INVS: variants seen among roughly 807,000 people sequenced by gnomAD.
INVS encodes the protein inversion of embryo turning homolog.
In INVS, 86 loss-of-function variants were observed where a neutral mutation model predicts 108.8. The observed-to-expected ratio is 0.79, with a 90% CI of 0.66 to 0.95. INVS has a LOEUF of 0.95. Ranked by LOEUF, INVS falls within the 40% of genes least tolerant of loss-of-function variation. The probability of loss-of-function intolerance (pLI) is 0.00; values close to 1 mark genes in which losing one functional copy is unlikely to be tolerated. For missense variants in INVS, 1,169 were observed against 1,297.4 expected, an observed-to-expected ratio of 0.90 and a Z score of 1.52; for synonymous variants, 455 against 473.5, an observed-to-expected ratio of 0.96 and a Z score of 0.51.
rs887850505 is a variant in INVS at position 100,136,054 on chromosome 9, C to T, written c.273+9505C>T. ...GCTAAGATTTGAATAGTTCCTTTTC[C>T]ACTAAATGACTCAATAAATGGATGG... On this transcript the variant is annotated intron_variant, in intron 3 of 16. Transcript: ENST00000262457. Among the ~76,000 whole-genome samples, 5 of 151,934 alleles carry T rather than the reference C, an allele frequency of 3.3e-5. No individual in the cohort carries two copies. The East Asian group carries it at 9.7e-4, about 29-fold the overall frequency.
intron 12 of INVS, among the ~76,000 whole-genome samples, chr9:100,274,239 T>C (rs981572843): frequency 6.6e-6 from 1 of 152,100 alleles, no homozygotes; most frequent in Non-Finnish European, 1.5e-5. Flanking sequence ...GCACCTGTTA[T>C]GCCAGCTACT....
At position 100,246,666 on chromosome 9, in the gene INVS, C is replaced by G; in HGVS notation, c.957C>G (p.Asp319Glu). The change falls in exon 8 of 17, where the codon GAC becomes GAG. Residue 319 changes from aspartate (D) to glutamate (E), a missense_variant. Asp to Glu is a conservative substitution (Grantham distance 45). This residue lies in a region of INVS where 365 missense variants were observed against 397.5 expected (regional missense o/e 0.92). Coordinates refer to ENST00000262457, the MANE Select transcript of INVS (RefSeq NM_014425.5). ...ATCCTTCAGTGAAAGATGATTCAGA[C>G]CTGGAAGGAAGAACATCCTTTATGT... is the stretch of plus-strand genomic sequence containing the variant. ...LKHPSVKDDS[D>E]LEGRTSFMWA... 6.2e-7 allele frequency: 1 copy of G among 1,613,808 alleles called. No homozygotes were observed.
At chr9:100,254,030 C>T (rs1832331650) in intron 10 of INVS, among the ~76,000 whole-genome samples, 2 of 152,140 alleles carry the variant, frequency 1.3e-5, no homozygotes, top group South Asian at 2.1e-4. Context: ...ACAGTCCCAC[C>T]AACAGTGTAA....
chr9:100,212,465 G>C (rs11789482), intron 3 of INVS, among the ~76,000 whole-genome samples: 29,557 of 151,774 alleles, frequency 0.19, 4,584 homozygotes, highest in African/African-American at 0.44. Flanking sequence ...CTCTTCTAAT[G>C]TTCAGGTCTA....
At chr9:100,105,340 C>A (rs1399927827) in intron 2 of INVS, among the ~76,000 whole-genome samples, 1 of 152,152 alleles carries the variant, frequency 6.6e-6, no homozygotes, top group Admixed American at 6.6e-5. Flanking sequence ...TGTTTTTACC[C>A]TACATTTGCA....
At chr9:100,187,686 C>G (rs1216228663) in intron 3 of INVS, among the ~76,000 whole-genome samples, 1 of 151,826 alleles carries the variant, frequency 6.6e-6, no homozygotes, top group African/African-American at 2.4e-5. Flanking sequence ...GCCACCACAC[C>G]CAGCTAATTT....
At chr9:100,216,301 T>C (rs1021203404) in intron 3 of INVS, among the ~76,000 whole-genome samples, 3 of 152,160 alleles carry the variant, frequency 2.0e-5, no homozygotes, top group Non-Finnish European at 2.9e-5. Flanking sequence ...TGGCTTTTCA[T>C]TTCAGCCCAT....
chr9:100,278,706 T>C (rs1588141966), intron 12 of INVS, among the ~76,000 whole-genome samples: 1 of 152,178 alleles, frequency 6.6e-6, no homozygotes, highest in East Asian at 1.9e-4. Flanking sequence ...CCAAATACTC[T>C]CTTAGGTTTC....
chr9:100,288,511 T>C (rs1833513531), intron 13 of INVS, among the ~76,000 whole-genome samples: 1 of 152,212 alleles, frequency 6.6e-6, no homozygotes, highest in African/African-American at 2.4e-5. Flanking sequence ...TGGCTTAGAT[T>C]TCTGTGGGAA....
At chr9:100,153,007 G>T (rs1263631823) in intron 3 of INVS, among the ~76,000 whole-genome samples, 5 of 94,222 alleles carry the variant, frequency 5.3e-5, no homozygotes, top group Admixed American at 1.0e-4. Context: ...TTAACTAATT[G>T]TGTGTGTGTG....
At chr9:100,284,746 C>T in intron 13 of INVS, 143 bp downstream of exon 13, 1 of 893,492 alleles carries the variant, frequency 1.1e-6, no homozygotes, top group Non-Finnish European at 1.7e-6. Context: ...CTACTTGTTT[C>T]CTCTGGTTCT....
intron 3 of INVS, among the ~76,000 whole-genome samples, chr9:100,205,068 G>A (rs1429392103): frequency 1.3e-5 from 2 of 152,020 alleles, no homozygotes; most frequent in Non-Finnish European, 1.5e-5. Flanking sequence ...AAAAAGTCAC[G>A]TATCTTTTGT....
intron 5 of INVS, among the ~76,000 whole-genome samples, chr9:100,234,086 G>T (rs753015815): frequency 6.6e-6 from 1 of 152,086 alleles, no homozygotes; most frequent in Non-Finnish European, 1.5e-5. Flanking sequence ...ACTTCTTCCT[G>T]GTTTAGTCCT....
intron 11 of INVS, among the ~76,000 whole-genome samples, chr9:100,270,252 G>A (rs1011367201): frequency 6.6e-6 from 1 of 152,126 alleles, no homozygotes. Flanking sequence ...GAATATGGAT[G>A]ATAGCTATTT....
chr9:100,102,877 G>C (rs1364407950), intron 1 of INVS: 1 of 152,092 alleles, frequency 6.6e-6, no homozygotes, highest in African/African-American at 2.4e-5. Context: ...TTTTCAGATG[G>C]AGTCTTACTC....
chr9:100,176,849 C>G (rs1028412542), intron 3 of INVS, among the ~76,000 whole-genome samples: 13 of 152,088 alleles, frequency 8.5e-5, no homozygotes, highest in South Asian at 4.1e-4. Context: ...TCATCAGCCC[C>G]TTTGGCTCTG....
rs190325671 is a variant in INVS, at chr9:100,222,517, G to T, written c.274-3545G>T. 2.6e-5 allele frequency among the ~76,000 whole-genome samples: 4 copies of T among 152,286 alleles called. No individual in the cohort carries two copies. In the East Asian group the frequency reaches 7.7e-4, roughly 29 times the overall value. On this transcript the variant is annotated intron_variant, in intron 3 of 16. Coordinates refer to ENST00000262457, the MANE Select transcript of INVS (RefSeq NM_014425.5). ...CTCAATGAATATTTGTTGAATGAAT[G>T]AATGAGTAAATATCATTACTGAGTT... is the stretch of plus-strand genomic sequence containing the variant.
At position 100,292,597 on chromosome 9, in the gene INVS, T is replaced by A. The variant is rs746200097; in HGVS notation, c.2340T>A (p.His780Gln). The change falls in exon 14 of 17, where the codon CAT becomes CAA. Residue 780 changes from histidine (H) to glutamine (Q), a missense_variant. Physicochemically the swap from His to Gln is conservative, Grantham distance 24. This residue lies in a region of INVS where 533 missense variants were observed against 536.0 expected (regional missense o/e 0.99). Transcript: ENST00000262457. ...GCCACTGGAAGCCCAGCAGGCGGCA[T>A]GACACAGAACCCAAGGCCAAATGTG... is the stretch of plus-strand genomic sequence containing the variant. ...HDSHWKPSRR[H>Q]DTEPKAKCAP... 8.1e-6 allele frequency: 13 copies of A among 1,614,096 alleles called. No individual in the cohort carries two copies. Among genetic ancestry groups the A allele is most frequent in the Non-Finnish European group, 1.0e-5 (12 of 1,180,022 alleles).
chr9:100,279,613 G>C (rs1403977667), intron 12 of INVS, among the ~76,000 whole-genome samples: 1 of 151,942 alleles, frequency 6.6e-6, no homozygotes, highest in African/African-American at 2.4e-5. Context: ...ATATTGATTG[G>C]TCCCTAGCCT....
Sources: gnomAD v4.1 joint callset for allele counts (sites outside exome capture counted in the v4.1 genomes callset) on GRCh38, gnomAD v4.1.1 for gene constraint, gnomAD v4.1.1 regional missense constraint, MANE v1.5 for transcripts, NCBI Gene and HGNC (gene_info 2026-07-23, HGNC 2026-07-21) for gene names.